ZFP90: variants seen among roughly 807,000 people sequenced by gnomAD.
The protein encoded by ZFP90 is ZFP90 zinc finger protein, also known as zinc finger protein 90 homolog.
Under a neutral mutation model 60.8 loss-of-function variants are expected in ZFP90, and 38 were observed. That is an observed-to-expected ratio of 0.62 (90% confidence interval 0.48 to 0.82). The LOEUF (loss-of-function observed/expected upper bound fraction) is 0.82. Ranked by LOEUF, ZFP90 falls within the 40% of genes least tolerant of loss-of-function variation. The pLI, the probability that ZFP90 is intolerant of heterozygous loss-of-function variation, is 0.00. For synonymous variants in ZFP90, 287 were observed against 264.8 expected, an observed-to-expected ratio of 1.08 and a Z score of -0.82; for missense variants, 711 against 759.1, an observed-to-expected ratio of 0.94 and a Z score of 0.74.
intron 2 of ZFP90, among the ~76,000 whole-genome samples, chr16:68,572,801 TC>T (rs1567417437): frequency 6.6e-6 from 1 of 152,234 alleles, no homozygotes; most frequent in African/African-American, 2.4e-5. Context: ...TAAAATGTGT[TC>T]CCTGTAGTGT....
In ZFP90 at chr16:68,564,119, T is replaced by TA. The variant is rs2091481845; in HGVS notation, c.1333dup (p.Thr445AsnfsTer9). 3 of 1,614,046 alleles carry TA rather than the reference T, an allele frequency of 1.9e-6. No individual in the cohort carries two copies. The highest frequency in any genetic ancestry group is 1.3e-5 in the African/African-American group (1 of 74,934). ...CTCTCACTCAAGATGAAAGCACTCTTACCGAAGTGAAATCCTACCATTGTA... is the reference window on the plus strand; with the variant it reads ...CTCTCACTCAAGATGAAAGCACTCTTAACCGAAGTGAAATCCTACCATTGTA... On this transcript the variant is annotated frameshift_variant, in exon 5 of 5. Transcript: ENST00000563169. LOFTEE classifies it high-confidence loss of function.
At chr16:68,542,804 T>C (rs1458400181) in intron 2 of ZFP90, among the ~76,000 whole-genome samples, 2 of 152,188 alleles carry the variant, frequency 1.3e-5, no homozygotes, top group Non-Finnish European at 2.9e-5. Flanking sequence ...CATTCATTCA[T>C]CTACTCATTC....
chr16:68,550,007 C>T (rs2091231122), intron 2 of ZFP90, among the ~76,000 whole-genome samples: 1 of 152,114 alleles, frequency 6.6e-6, no homozygotes, highest in Non-Finnish European at 1.5e-5. Context: ...GAAAGATGGC[C>T]TGAGGTGGAG....
downstream of ZFP90, chr16:68,576,125 G>T: frequency 4.4e-6 from 1 of 227,550 alleles, no homozygotes; most frequent in South Asian, 1.8e-4. Flanking sequence ...CTTCTCCCCA[G>T]CTCCTCAGTA....
intron 4 of ZFP90, among the ~76,000 whole-genome samples, chr16:68,559,073 C>T (rs918120339): frequency 6.6e-6 from 1 of 152,162 alleles, no homozygotes; most frequent in African/African-American, 2.4e-5. Context: ...GTAGTATCCT[C>T]ATCTCCCAGT....
Position 68,566,156 on chromosome 16 carries a change from T to C in ZFP90, c.*1458T>C. ...ACATCAATTTATTTTAGTTGTATAATGCTTTTCTATTAGTAAAGCATCAGC... is the reference window on the plus strand; with the variant it reads ...ACATCAATTTATTTTAGTTGTATAACGCTTTTCTATTAGTAAAGCATCAGC... On this transcript the variant is annotated 3_prime_UTR_variant, in exon 5 of 5. Transcript: ENST00000563169. The C allele has an allele frequency of 2.0e-6, 2 of 985,484 alleles. No individual in the cohort carries two copies. Among genetic ancestry groups the C allele is most frequent in the Non-Finnish European group, 2.4e-6 (2 of 829,938 alleles). 61.0% of individuals were successfully genotyped at this position (985,484 alleles called of 1,614,324 possible). A position where few individuals can be genotyped will look rare whatever the true frequency, so the allele number is the denominator to read the frequency against.
chr16:68,538,113 T>C (rs1462356400), upstream of ZFP90, among the ~76,000 whole-genome samples: 1 of 152,056 alleles, frequency 6.6e-6, no homozygotes, highest in Non-Finnish European at 1.5e-5. Context: ...GCTATCTCCA[T>C]GTTGGTCAGG....
At chr16:68,558,599 G>C in intron 4 of ZFP90, 31 bp downstream of exon 4, 1 of 1,588,376 alleles carries the variant, frequency 6.3e-7, no homozygotes, top group Non-Finnish European at 8.6e-7. Flanking sequence ...CATTAGGAAT[G>C]AATGCAGTTA....
In ZFP90 at chr16:68,566,266, C is replaced by G; in HGVS notation, c.*1568C>G. The G allele has an allele frequency of 1.0e-6, 1 of 985,598 alleles. No homozygotes were observed. Among genetic ancestry groups the G allele is most frequent in the Non-Finnish European group, 1.2e-6 (1 of 829,940 alleles). The allele number at this position is 985,598 out of a possible 1,614,324, so 61.1% of individuals were successfully genotyped here. ...TCCAGAACCTTTGTTGGTGTGTTGA[C>G]ATTGACCATGCAGACCAATTTGGGC... is the stretch of plus-strand genomic sequence containing the variant. On this transcript the variant is annotated 3_prime_UTR_variant, in exon 5 of 5. Coordinates refer to ENST00000563169, the MANE Select transcript of ZFP90 (RefSeq NM_001305203.2).
In ZFP90 at chr16:68,566,092, T is replaced by A. The variant is rs186105459; in HGVS notation, c.*1394T>A. The A allele has an allele frequency of 4.4e-5, 43 of 979,354 alleles. No homozygotes were observed. The African/African-American group carries it at 6.5e-4, about 15-fold the overall frequency. 60.7% of individuals were successfully genotyped at this position (979,354 alleles called of 1,614,324 possible). On this transcript the variant is annotated 3_prime_UTR_variant, in exon 5 of 5. Transcript: ENST00000563169. ...AGACTGCAGTGAGCTGAGATCACAC[T>A]ACTGCATTCCAGCCTGAGCAACAGA... is the stretch of plus-strand genomic sequence containing the variant.
At position 68,556,572 on chromosome 16, in the gene ZFP90, G is replaced by A. The variant is rs142355685; in HGVS notation, c.34-1426G>A. Among the ~76,000 whole-genome samples the A allele has an allele frequency of 5.3e-5, 8 of 152,314 alleles. No individual in the cohort carries two copies. The East Asian group carries it at 1.5e-3, about 29-fold the overall frequency. ...TTTTTAAGTGCCCACTAGGTGCCGGGCGTTGTTCTGGGCACCAGGCATGTA... is the reference window on the plus strand; with the variant it reads ...TTTTTAAGTGCCCACTAGGTGCCGGACGTTGTTCTGGGCACCAGGCATGTA... On this transcript the variant is annotated intron_variant, in intron 2 of 4. Coordinates refer to ENST00000563169, the MANE Select transcript of ZFP90 (RefSeq NM_001305203.2).
Position 68,563,475 on chromosome 16 carries a change from G to C in ZFP90, c.688G>C (p.Glu230Gln). 6.2e-7 allele frequency: 1 copy of C among 1,614,144 alleles called. No individual in the cohort carries two copies. Among genetic ancestry groups the C allele is most frequent in the Non-Finnish European group, 8.5e-7 (1 of 1,180,032 alleles). Reference protein sequence around the residue: ...FIHRSSLTKHEKTHKGEGAFP... With the variant: ...FIHRSSLTKHQKTHKGEGAFP... ...TCATAGATCATCGCTTACTAAACAT[G>C]AGAAAACACATAAAGGAGAGGGAGC... Residue 230 changes from glutamate to glutamine, a missense_variant, in exon 5 of 5, where the codon GAG becomes CAG. Physicochemically the swap from Glu to Gln is conservative, Grantham distance 29. This residue lies in a region of ZFP90 where 241 missense variants were observed against 247.6 expected (regional missense o/e 0.97). Coordinates refer to ENST00000563169, the MANE Select transcript of ZFP90 (RefSeq NM_001305203.2).
At chr16:68,540,592 CTTTG>C (rs2091024168) in intron 2 of ZFP90, among the ~76,000 whole-genome samples, 1 of 151,986 alleles carries the variant, frequency 6.6e-6, no homozygotes, top group Admixed American at 6.6e-5. Context: ...GTATCTGTAT[CTTTG>C]AATCTACATT....
In ZFP90 at chr16:68,558,133, C is replaced by T. The variant is rs764697448; in HGVS notation, c.160+9C>T. On this transcript the variant is annotated intron_variant, in intron 3 of 4. Transcript: ENST00000563169. ...CCACCTGGTTTCTCTTGGTAAGGACCACTTCTCTGAGTGTCTTTCCTGCTG... is the reference window on the plus strand; with the variant it reads ...CCACCTGGTTTCTCTTGGTAAGGACTACTTCTCTGAGTGTCTTTCCTGCTG... 6.2e-6 allele frequency: 10 copies of T among 1,612,670 alleles called. No homozygotes were observed. The Admixed American group carries it at 1.0e-4, about 16-fold the overall frequency.
chr16:68,553,748 A>G (rs1437675414), intron 2 of ZFP90, among the ~76,000 whole-genome samples: 1 of 152,148 alleles, frequency 6.6e-6, no homozygotes, highest in East Asian at 1.9e-4. Flanking sequence ...CCCTCCAAGT[A>G]GCTAGGACCA....
At chr16:68,570,257 G>C (rs951939249), downstream of ZFP90, among the ~76,000 whole-genome samples, 2 of 152,168 alleles carry the variant, frequency 1.3e-5, no homozygotes, top group African/African-American at 4.8e-5. Flanking sequence ...GCTAAATCCA[G>C]TGGTCTTTTT....
chr16:68,560,610 C>T (rs920308979), intron 4 of ZFP90, among the ~76,000 whole-genome samples: 3 of 152,040 alleles, frequency 2.0e-5, no homozygotes, highest in Admixed American at 2.0e-4. Context: ...GGTTGGAATG[C>T]AGTGGCTGTG....
chr16:68,535,839 T>G (rs965992410), upstream of ZFP90, among the ~76,000 whole-genome samples: 3 of 152,164 alleles, frequency 2.0e-5, no homozygotes, highest in Non-Finnish European at 2.9e-5. Context: ...TTAAAAGATT[T>G]TTAAGTTATT....
chr16:68,570,450 T>G (rs2152078355), downstream of ZFP90, among the ~76,000 whole-genome samples: 1 of 152,370 alleles, frequency 6.6e-6, no homozygotes, highest in Middle Eastern at 3.4e-3. Context: ...TAGCTATATT[T>G]ATACCCATTT....
Sources: gnomAD v4.1 joint callset for allele counts (sites outside exome capture counted in the v4.1 genomes callset) on GRCh38, gnomAD v4.1.1 for gene constraint, gnomAD v4.1.1 regional missense constraint, MANE v1.5 for transcripts, NCBI Gene and HGNC (gene_info 2026-07-23, HGNC 2026-07-21) for gene names.